The following SLC41A2 variants were observed in gnomAD, a reference collection of about 807,000 sequenced individuals.
SLC41A2 encodes solute carrier family 41 member 2, also known as SLC41A1-like 1.
In SLC41A2, 32 loss-of-function variants were observed where a neutral mutation model predicts 58.3. The observed-to-expected ratio is 0.55, with a 90% CI of 0.41 to 0.74. SLC41A2 has a LOEUF of 0.74. SLC41A2 is among the 30% of genes least tolerant of loss of function. The pLI is 0.00. For synonymous variants in SLC41A2, 190 were observed against 235.0 expected, an observed-to-expected ratio of 0.81 and a Z score of 1.75; for missense variants, 514 against 680.6, an observed-to-expected ratio of 0.76 and a Z score of 2.72.
At chr12:104,889,490 T>C (rs1437754607) in intron 4 of SLC41A2, among the ~76,000 whole-genome samples, 2 of 152,122 alleles carry the variant, frequency 1.3e-5, no homozygotes, top group South Asian at 4.1e-4. Context: ...GACTGAGAAG[T>C]ACCCAATCCA....
intron 8 of SLC41A2, among the ~76,000 whole-genome samples, chr12:104,857,466 C>G (rs2043058856): frequency 6.6e-6 from 1 of 152,126 alleles, no homozygotes; most frequent in Non-Finnish European, 1.5e-5. Flanking sequence ...GGATCTAGAA[C>G]TAGAAATACC....
At chr12:104,936,648 A>G (rs1053306653) in intron 1 of SLC41A2, among the ~76,000 whole-genome samples, 1 of 152,176 alleles carries the variant, frequency 6.6e-6, no homozygotes, top group Non-Finnish European at 1.5e-5. Context: ...TGAGAACAGC[A>G]CAAGAAACAC....
chr12:104,910,315 G>A (rs2046026595), intron 2 of SLC41A2, among the ~76,000 whole-genome samples: 1 of 152,110 alleles, frequency 6.6e-6, no homozygotes, highest in African/African-American at 2.4e-5. Flanking sequence ...TAAGGTGTGA[G>A]GCAGAGAGGT....
rs200609916 is a variant in SLC41A2 at position 104,845,977 on chromosome 12, G to A, written c.1256-3C>T. 41 of 1,609,784 alleles carry A rather than the reference G, an allele frequency of 2.5e-5. No homozygotes were observed. The highest frequency in any genetic ancestry group is 3.5e-5 in the Non-Finnish European group (41 of 1,178,022). ...GGCCACCAAATTACCACCAATACCT[G>A]AAACACAAGGAAAAACAAAGTAGCA... On this transcript the variant is annotated splice_region_variant and splice_polypyrimidine_tract_variant and intron_variant, in intron 8 of 10. Transcript: ENST00000258538.
chr12:104,806,230 A>G (rs959132380), intron 10 of SLC41A2, among the ~76,000 whole-genome samples: 1 of 151,246 alleles, frequency 6.6e-6, no homozygotes, highest in Non-Finnish European at 1.5e-5. Context: ...CCACCCCACA[A>G]CAGGCCCCGG....
In SLC41A2 at chr12:104,846,170, A is replaced by C. The variant is rs3816923; in HGVS notation, c.1256-196T>G. ...AATCATTGTTAGATAAGATTAATTCATTATTTTTTCAAACTTGACTGGTAT... is the reference window on the plus strand; with the variant it reads ...AATCATTGTTAGATAAGATTAATTCCTTATTTTTTCAAACTTGACTGGTAT... On this transcript the variant is annotated intron_variant, in intron 8 of 10. Coordinates refer to ENST00000258538, the MANE Select transcript of SLC41A2 (RefSeq NM_001352171.3). Among the ~76,000 whole-genome samples the C allele has an allele frequency of 0.024, 3,636 of 152,294 alleles. 89 individuals carry two copies. The highest frequency in any genetic ancestry group is 0.095 in the East Asian group (492 of 5,194).
At chr12:104,948,442 C>T (rs1172848483) in intron 1 of SLC41A2, among the ~76,000 whole-genome samples, 2 of 152,118 alleles carry the variant, frequency 1.3e-5, no homozygotes, top group African/African-American at 4.8e-5. Flanking sequence ...CTATCTACAT[C>T]AATACTATTT....
chr12:104,945,142 C>A (rs1047208538), intron 1 of SLC41A2, among the ~76,000 whole-genome samples: 1 of 151,492 alleles, frequency 6.6e-6, no homozygotes, highest in African/African-American at 2.4e-5. Context: ...TGCACTCCAG[C>A]CTGGGCAACA....
intron 10 of SLC41A2, among the ~76,000 whole-genome samples, chr12:104,806,900 G>T (rs2040930742): frequency 1.3e-5 from 2 of 151,984 alleles, no homozygotes; most frequent in South Asian, 4.2e-4. Flanking sequence ...TTGCCCACTT[G>T]TTGATGGGGT....
intron 8 of SLC41A2, among the ~76,000 whole-genome samples, chr12:104,858,695 GCAGA>G (rs2043104125): frequency 6.6e-6 from 1 of 152,072 alleles, no homozygotes; most frequent in African/African-American, 2.4e-5. Context: ...TAATTTTTGT[GCAGA>G]CAGGGTTTGG....
At chr12:104,901,028 T>G (rs1236831995) in intron 3 of SLC41A2, among the ~76,000 whole-genome samples, 2 of 152,148 alleles carry the variant, frequency 1.3e-5, no homozygotes, top group East Asian at 3.9e-4. Flanking sequence ...AAAATATTTT[T>G]GCAATTAATG....
chr12:104,855,884 G>T (rs184287351), intron 8 of SLC41A2, among the ~76,000 whole-genome samples: 3 of 152,322 alleles, frequency 2.0e-5, no homozygotes, highest in African/African-American at 7.2e-5. Flanking sequence ...CGGGGAAGAG[G>T]ATGAGTTCAG....
chr12:104,840,764 C>A (rs1362680392), intron 10 of SLC41A2, among the ~76,000 whole-genome samples: 1 of 151,988 alleles, frequency 6.6e-6, no homozygotes, highest in African/African-American at 2.4e-5. Flanking sequence ...TACCACCAAA[C>A]AATGTAATTT....
chr12:104,871,478 A>C (rs1366197043), intron 6 of SLC41A2, among the ~76,000 whole-genome samples: 1 of 152,186 alleles, frequency 6.6e-6, no homozygotes, highest in African/African-American at 2.4e-5. Context: ...ACACAAAAGT[A>C]TATCAGAATC....
intron 4 of SLC41A2, among the ~76,000 whole-genome samples, chr12:104,894,145 G>T (rs2045161973): frequency 2.6e-5 from 4 of 151,934 alleles, no homozygotes; most frequent in Admixed American, 2.6e-4. Context: ...ATTAAAAATT[G>T]AAAGAAAAGA....
intron 10 of SLC41A2, among the ~76,000 whole-genome samples, chr12:104,840,091 G>A (rs1344902872): frequency 6.6e-6 from 1 of 152,094 alleles, no homozygotes; most frequent in Non-Finnish European, 1.5e-5. Context: ...AATACCGTAG[G>A]GCGTAAGGCA....
chr12:104,929,725 G>A (rs1016969626), intron 1 of SLC41A2, among the ~76,000 whole-genome samples: 7 of 152,236 alleles, frequency 4.6e-5, no homozygotes, highest in Admixed American at 4.6e-4. Flanking sequence ...ACTTCCAAGA[G>A]CATCTAAGAC....
At chr12:104,884,537 T>A (rs2044559684) in intron 6 of SLC41A2, among the ~76,000 whole-genome samples, 1 of 152,132 alleles carries the variant, frequency 6.6e-6, no homozygotes, top group Non-Finnish European at 1.5e-5. Context: ...CAGCCCTCCA[T>A]CCCTACCCCC....
intron 1 of SLC41A2, among the ~76,000 whole-genome samples, chr12:104,948,992 G>A (rs2047848177): frequency 6.6e-6 from 1 of 152,154 alleles, no homozygotes; most frequent in Non-Finnish European, 1.5e-5. Context: ...GAGGTAGGTG[G>A]ATCACCTGAG....
Sources: gnomAD v4.1 joint callset for allele counts (sites outside exome capture counted in the v4.1 genomes callset) on GRCh38, gnomAD v4.1.1 for gene constraint, MANE v1.5 for transcripts, NCBI Gene and HGNC (gene_info 2026-07-23, HGNC 2026-07-21) for gene names.